SERF1B: variants seen among roughly 807,000 people sequenced by gnomAD.
The protein encoded by SERF1B is small EDRK-rich factor 1B, also known as small EDRK-rich factor 1.
chr5:70,036,629 ACTCTCTCT>A (rs1554065559), intron 2 of SERF1B, among the ~76,000 whole-genome samples: 10 of 49,830 alleles, frequency 2.0e-4, no homozygotes, highest in Admixed American at 6.6e-4. Flanking sequence ...ACACACACAC[ACTCTCTCT>A]CTCTCTCTCT....
intron 2 of SERF1B, among the ~76,000 whole-genome samples, chr5:70,041,172 G>T (rs1293205983): frequency 1.3e-5 from 2 of 148,516 alleles, no homozygotes; most frequent in Non-Finnish European, 3.0e-5. Context: ...ATAAAGGAAG[G>T]TTCCATTGCT....
chr5:70,041,331 C>G (rs1430740157), intron 2 of SERF1B, among the ~76,000 whole-genome samples, 193 bp from the exon 3 acceptor site: 1 of 146,566 alleles, frequency 6.8e-6, no homozygotes, highest in Non-Finnish European at 1.5e-5. Context: ...TCTCAGCCTT[C>G]AGTAAGCCAG....
chr5:70,029,841 G>A (rs1339272253), intron 2 of SERF1B: 1 of 437,940 alleles, frequency 2.3e-6, no homozygotes, highest in Non-Finnish European at 4.5e-6. Context: ...CTGCCTCCCA[G>A]GCTCAAGTGA....
Position 70,028,963 on chromosome 5 carries a change from C to T in SERF1B, c.116+2448C>T, listed in dbSNP as rs1310142015. ...CCGCACTCCAGCCTGGGCGACAGAG[C>T]GAGACTCCGTCAAAAAAAAAAAACC... On this transcript the variant is annotated intron_variant, in intron 2 of 2. Coordinates refer to ENST00000380750, the MANE Select transcript of SERF1B (RefSeq NM_022978.3). 7.9e-5 allele frequency among the ~76,000 whole-genome samples: 12 copies of T among 151,600 alleles called. No homozygotes were observed. In the East Asian group the frequency reaches 2.3e-3, roughly 30 times the overall value.
At chr5:70,028,939 CG>C (rs1437607316) in intron 2 of SERF1B, among the ~76,000 whole-genome samples, 1 of 149,768 alleles carries the variant, frequency 6.7e-6, no homozygotes, top group Non-Finnish European at 1.5e-5. Flanking sequence ...ATCGCGCCAC[CG>C]CACTCCAGCC....
At chr5:70,028,982 A>G (rs1184379607) in intron 2 of SERF1B, among the ~76,000 whole-genome samples, 3 of 152,040 alleles carry the variant, frequency 2.0e-5, no homozygotes, top group African/African-American at 4.8e-5. Context: ...GTCAAAAAAA[A>G]AAAACCTTTA....
chr5:70,029,694 G>C (rs1774124335), intron 2 of SERF1B: 2 of 452,920 alleles, frequency 4.4e-6, no homozygotes, highest in Non-Finnish European at 8.9e-6. Flanking sequence ...ACTATTAAGA[G>C]TCATTGATAA....
intron 2 of SERF1B, among the ~76,000 whole-genome samples, chr5:70,038,337 G>A (rs1302132564): frequency 3.3e-5 from 4 of 119,856 alleles, no homozygotes; most frequent in Admixed American, 8.7e-5. Flanking sequence ...GTGGCCAGGC[G>A]CCGTGGCTCA....
At chr5:70,035,364 A>AATTATTATT (rs201890206) in intron 2 of SERF1B, among the ~76,000 whole-genome samples, 163 of 132,090 alleles carry the variant, frequency 1.2e-3, no homozygotes, top group African/African-American at 4.3e-3. Context: ...GAATAATTTT[A>AATTATTATT]ATTATTATTA....
chr5:70,029,470 T>A (rs1273113938), intron 2 of SERF1B, among the ~76,000 whole-genome samples: 3 of 150,608 alleles, frequency 2.0e-5, no homozygotes, highest in East Asian at 1.9e-4. Context: ...GAATTTTTTT[T>A]TTATTATTAC....
intron 2 of SERF1B, among the ~76,000 whole-genome samples, chr5:70,036,625 A>ACTCTCTCTCTCT (rs1217735761): frequency 2.9e-4 from 15 of 51,660 alleles, no homozygotes; most frequent in South Asian, 1.5e-3. Flanking sequence ...ACACACACAC[A>ACTCTCTCTCTCT]CACACTCTCT....
intron 2 of SERF1B, among the ~76,000 whole-genome samples, chr5:70,036,627 A>ACTCTCTCTCTCTCTCT (rs1190752176): frequency 1.2e-3 from 59 of 50,312 alleles, no homozygotes; most frequent in East Asian, 4.9e-3. Flanking sequence ...ACACACACAC[A>ACTCTCTCTCTCTCTCT]CACTCTCTCT....
chr5:70,041,318 C>G (rs1393927495), intron 2 of SERF1B, among the ~76,000 whole-genome samples: 1 of 147,076 alleles, frequency 6.8e-6, no homozygotes, highest in African/African-American at 2.7e-5. Flanking sequence ...CACACGTATA[C>G]TCTCTCAGCC....
At chr5:70,035,383 ATTTTTT>A (rs763970203) in intron 2 of SERF1B, among the ~76,000 whole-genome samples, 1 of 136,568 alleles carries the variant, frequency 7.3e-6, no homozygotes. Context: ...TATTATTATT[ATTTTTT>A]TTTTTTTTTG....
Position 70,041,924 on chromosome 5 carries a change from CTTT to C in SERF1B, c.*199_*201del, listed in dbSNP as rs763662756. ...TAGGAAACTTAGATGTAACTTAGCA[CTTT>C]TTTTTTTTTTTTTTGAGATGGAGTC... On this transcript the variant is annotated 3_prime_UTR_variant, in exon 3 of 3. Transcript: ENST00000380750. The C allele has an allele frequency of 2.5e-3, 1,308 of 529,126 alleles. No homozygotes were observed. The highest frequency in any genetic ancestry group is 3.6e-3 in the East Asian group (112 of 31,136). The allele number at this position is 529,126 out of a possible 1,614,324, so 32.8% of individuals were successfully genotyped here. A position where few individuals can be genotyped will look rare whatever the true frequency, so the allele number is the denominator to read the frequency against.
intron 2 of SERF1B, among the ~76,000 whole-genome samples, chr5:70,038,068 ACACTT>A (rs1774221422): frequency 7.8e-6 from 1 of 127,504 alleles, no homozygotes; most frequent in African/African-American, 3.4e-5. Flanking sequence ...AAGTTCTGGA[ACACTT>A]CCTTGCAGCA....
intron 2 of SERF1B, among the ~76,000 whole-genome samples, chr5:70,029,425 C>T (rs1385040165): frequency 6.7e-6 from 1 of 149,762 alleles, no homozygotes; most frequent in African/African-American, 2.5e-5. Flanking sequence ...CGTGAGCCAC[C>T]ACGCTGGCCC....
chr5:70,036,629 A>ACACACACACACACTCT (rs763495681), intron 2 of SERF1B, among the ~76,000 whole-genome samples: 1 of 49,880 alleles, frequency 2.0e-5, no homozygotes, highest in African/African-American at 6.6e-5. Context: ...ACACACACAC[A>ACACACACACACACTCT]CTCTCTCTCT....
chr5:70,036,516 G>A (rs1474307875), intron 2 of SERF1B, among the ~76,000 whole-genome samples: 1 of 106,416 alleles, frequency 9.4e-6, no homozygotes, highest in Non-Finnish European at 1.8e-5. Flanking sequence ...GAACCCAGAA[G>A]GTCAAGGCTG....
Sources: allele counts gnomAD v4.1 joint callset (sites outside exome capture counted in the v4.1 genomes callset), GRCh38; gene constraint gnomAD v4.1.1; transcripts MANE v1.5; gene names NCBI Gene and HGNC (gene_info 2026-07-23, HGNC 2026-07-21).